The following DIABLO variants were observed in gnomAD, a reference collection of about 807,000 sequenced individuals.
DIABLO encodes the protein diablo IAP-binding mitochondrial protein.
A neutral mutation model predicts 31.7 loss-of-function variants in DIABLO; 32 were observed. The observed-to-expected ratio is 1.01, with a 90% confidence interval of 0.76 to 1.35. The LOEUF (loss-of-function observed/expected upper bound fraction) is 1.35. DIABLO is among the 40% of genes most tolerant of loss of function. The pLI, the probability that DIABLO is intolerant of heterozygous loss-of-function variation, is 0.00. For missense variants in DIABLO, 316 were observed against 286.4 expected (o/e 1.10, Z -0.75); for synonymous variants, 132 against 103.2 (o/e 1.28, Z -1.69).
In DIABLO at chr12:122,225,991, C is replaced by A; in HGVS notation, c.24G>T (p.Leu8=). The change falls in exon 1 of 6, where the codon CTG becomes CTT. Residue 8 remains leucine, a synonymous_variant. Coordinates refer to ENST00000464942, the MANE Select transcript of DIABLO (RefSeq NM_001371333.1). ...TGAAGAATGAAGTTACGCTGCGCGA[C>A]AGCCAACTCTTCAGAGCCGCCATTG... MAALKSW[L]SRSVTSFFRY... 6.2e-7 allele frequency: 1 copy of A among 1,603,326 alleles called. No individual in the cohort carries two copies. Among genetic ancestry groups the A allele is most frequent in the Non-Finnish European group, 8.5e-7 (1 of 1,175,768 alleles).
intron 5 of DIABLO, among the ~76,000 whole-genome samples, chr12:122,209,143 T>C (rs1038311108): frequency 3.3e-5 from 5 of 152,146 alleles, no homozygotes; most frequent in Admixed American, 6.5e-5. Context: ...GCAGATCACC[T>C]GAGGGTCAGA....
intron 5 of DIABLO, among the ~76,000 whole-genome samples, chr12:122,213,383 C>A (rs567759010): frequency 6.6e-6 from 1 of 152,008 alleles, no homozygotes; most frequent in Non-Finnish European, 1.5e-5. Context: ...CATATAATCC[C>A]AGCTACCTGG....
At chr12:122,210,300 C>T (rs916426826) in intron 5 of DIABLO, among the ~76,000 whole-genome samples, 1 of 151,246 alleles carries the variant, frequency 6.6e-6, no homozygotes, top group South Asian at 2.1e-4. Flanking sequence ...TTTGATAAAA[C>T]TCTCCCACGA....
chr12:122,211,077 TAAAAAAAAAAAAAAAAAAAAA>T (rs1156571584), intron 5 of DIABLO, among the ~76,000 whole-genome samples: 19 of 14,340 alleles, frequency 1.3e-3, no homozygotes, highest in African/African-American at 2.9e-3. Flanking sequence ...TAGTTAAAAG[TAAAAAAAAAAAAAAAAAAAAA>T]AAAAAAAAAA....
At chr12:122,211,426 G>A (rs1954086953) in intron 5 of DIABLO, among the ~76,000 whole-genome samples, 1 of 151,620 alleles carries the variant, frequency 6.6e-6, no homozygotes, top group Non-Finnish European at 1.5e-5. Context: ...ACACTGAGCT[G>A]GGTGCAGTGG....
At chr12:122,219,061 C>T (rs1954279237) in intron 2 of DIABLO, among the ~76,000 whole-genome samples, 1 of 151,638 alleles carries the variant, frequency 6.6e-6, no homozygotes, top group South Asian at 2.1e-4. Flanking sequence ...GGTGAAACCC[C>T]GTCTCTACTA....
chr12:122,208,835 A>G (rs995145743), intron 5 of DIABLO: 6 of 583,810 alleles, frequency 1.0e-5, no homozygotes, highest in African/African-American at 9.2e-5. Context: ...AACTCTCACA[A>G]TCATCTTTAT....
At chr12:122,209,675 A>G (rs1398723850) in intron 5 of DIABLO, 2 of 685,722 alleles carry the variant, frequency 2.9e-6, no homozygotes, top group East Asian at 2.7e-5. Flanking sequence ...CCCAAAAAAA[A>G]AAATGAGCTC....
chr12:122,208,222 G>A lies in DIABLO; in HGVS notation c.*159C>T, dbSNP rs766350996. 6 of 826,110 alleles carry A rather than the reference G, an allele frequency of 7.3e-6. No homozygotes were observed. The African/African-American group carries it at 8.5e-5, about 12-fold the overall frequency. The allele number at this position is 826,110 out of a possible 1,614,324, so 51.2% of individuals were successfully genotyped here. A position where few individuals can be genotyped will look rare whatever the true frequency, so the allele number is the denominator to read the frequency against. On this transcript the variant is annotated 3_prime_UTR_variant, in exon 6 of 6. Coordinates refer to ENST00000464942, the MANE Select transcript of DIABLO (RefSeq NM_001371333.1). ...GGTCCAGCGCAAGCCTGAGACCACAGGAGGCACTCACAGCTCACAAAGGCG... is the reference window on the plus strand; with the variant it reads ...GGTCCAGCGCAAGCCTGAGACCACAAGAGGCACTCACAGCTCACAAAGGCG...
At chr12:122,219,696 A>G (rs1053914422) in intron 2 of DIABLO, among the ~76,000 whole-genome samples, 1 of 151,372 alleles carries the variant, frequency 6.6e-6, no homozygotes, top group Non-Finnish European at 1.5e-5. Context: ...CTCTACTAAA[A>G]ATACAAAAAA....
chr12:122,216,677 A>G, intron 4 of DIABLO, 82 bp downstream of exon 4: 1 of 1,549,424 alleles, frequency 6.5e-7, no homozygotes, highest in Non-Finnish European at 8.9e-7. Flanking sequence ...CACTGATTAT[A>G]TTGATTAGAC....
intron 3 of DIABLO, chr12:122,217,334 A>AT (rs1411830526): frequency 3.1e-5 from 6 of 194,826 alleles, no homozygotes; most frequent in African/African-American, 1.4e-4. Flanking sequence ...CCAACATGGC[A>AT]AAACCCCGTC....
chr12:122,216,831 T>G lies in DIABLO; in HGVS notation c.354A>C (p.Thr118=), dbSNP rs1177047430. 6.2e-7 allele frequency: 1 copy of G among 1,614,144 alleles called. No individual in the cohort carries two copies. ...YTLTSLYRQY[T]SLLGKMNSEE... ...CTGAATTCATTTTCCCAAGTAAACT[T>G]GTATATTGTCGGTAAAGAGAAGTTA... Residue 118 remains threonine (T), a synonymous_variant, in exon 4 of 6, where the codon ACA becomes ACC. Coordinates refer to ENST00000464942, the MANE Select transcript of DIABLO (RefSeq NM_001371333.1).
upstream of DIABLO, chr12:122,226,775 G>A (rs1003113920): frequency 7.2e-6 from 4 of 555,106 alleles, no homozygotes; most frequent in South Asian, 4.4e-5. Flanking sequence ...TCGTTCTTCG[G>A]CTCTGATCCG....
At chr12:122,211,828 T>C (rs1383042379) in intron 5 of DIABLO, among the ~76,000 whole-genome samples, 3 of 152,212 alleles carry the variant, frequency 2.0e-5, no homozygotes, top group African/African-American at 7.2e-5. Context: ...ATTAAGTACA[T>C]TTCATGATTG....
intron 1 of DIABLO, 65 bp downstream of exon 1, chr12:122,225,900 C>G (rs1954454779): frequency 1.3e-6 from 2 of 1,549,004 alleles, no homozygotes; most frequent in African/African-American, 2.7e-5. Flanking sequence ...GTGGGCCGGG[C>G]CACAGCGCTG....
Position 122,218,145 on chromosome 12 carries a change from A to C in DIABLO, c.315+121T>G, listed in dbSNP as rs1954255436. 4.0e-6 allele frequency: 5 copies of C among 1,242,262 alleles called. No homozygotes were observed. The Admixed American group carries it at 9.1e-5, about 23-fold the overall frequency. The allele number at this position is 1,242,262 out of a possible 1,614,324, so 77.0% of individuals were successfully genotyped here. A position where few individuals can be genotyped will look rare whatever the true frequency, so the allele number is the denominator to read the frequency against. On this transcript the variant is annotated intron_variant, in intron 3 of 5. Coordinates refer to ENST00000464942, the MANE Select transcript of DIABLO (RefSeq NM_001371333.1). ...TCAAAAACCGTTATTGACAACACAT[A>C]AACAAATAGGCCTGGCTATGTTTCA...
intron 3 of DIABLO, among the ~76,000 whole-genome samples, chr12:122,217,995 G>T (rs1482235149): frequency 1.3e-5 from 2 of 148,480 alleles, no homozygotes; most frequent in Non-Finnish European, 1.5e-5. Context: ...AAAAAAAAAA[G>T]GTTCCTGGGA....
rs778642784 is a variant in DIABLO, at chr12:122,226,026, C to G, written c.-12G>C. The G allele has an allele frequency of 8.7e-6, 14 of 1,601,184 alleles. No homozygotes were observed. Among genetic ancestry groups the G allele is most frequent in the Middle Eastern group, 3.7e-4 (2 of 5,376 alleles). ...TTCAGAGCCGCCATTGTGCAGCGCGCGGACGCCAGACGCACACGCCGGAAG... is the reference window on the plus strand; with the variant it reads ...TTCAGAGCCGCCATTGTGCAGCGCGGGGACGCCAGACGCACACGCCGGAAG... On this transcript the variant is annotated 5_prime_UTR_variant, in exon 1 of 6. Transcript: ENST00000464942.
Sources: allele counts gnomAD v4.1 joint callset (sites outside exome capture counted in the v4.1 genomes callset), GRCh38; gene constraint gnomAD v4.1.1; transcripts MANE v1.5; gene names NCBI Gene and HGNC (gene_info 2026-07-23, HGNC 2026-07-21).